ERP29: variants seen among roughly 807,000 people sequenced by gnomAD.
The protein encoded by ERP29 is endoplasmic reticulum resident protein 29.
A neutral mutation model predicts 21.7 loss-of-function variants in ERP29; 14 were observed. That is an observed-to-expected ratio of 0.64 (90% CI 0.43 to 1.01). ERP29 has a LOEUF of 1.01. Ranked by LOEUF, ERP29 falls within the 50% of genes least tolerant of loss-of-function variation. The pLI is 0.00. For missense variants in ERP29, 286 were observed against 327.3 expected, an observed-to-expected ratio of 0.87 and a Z score of 0.97; for synonymous variants, 129 against 139.1, an observed-to-expected ratio of 0.93 and a Z score of 0.51.
Position 112,022,389 on chromosome 12 carries a change from G to GAGGCCCGCC in ERP29, c.530_538dup (p.Arg177_Ala179dup), listed in dbSNP as rs779821855. 6.2e-7 allele frequency: 1 copy of GAGGCCCGCC among 1,614,198 alleles called. No homozygotes were observed. Among genetic ancestry groups the GAGGCCCGCC allele is most frequent in the Non-Finnish European group, 8.5e-7 (1 of 1,180,030 alleles). On this transcript the variant is annotated inframe_insertion, in exon 3 of 3. Coordinates refer to ENST00000261735, the MANE Select transcript of ERP29 (RefSeq NM_006817.4). The stretch of plus-strand genomic sequence containing the variant: ...GGAGTTCATCAGGGCCTCTGGTGTG[G>GAGGCCCGCC]AGGCCCGCCAGGCCCTCTTGAAGCA...
intron 2 of ERP29, among the ~76,000 whole-genome samples, chr12:112,020,723 G>A (rs1187371559): frequency 1.3e-5 from 2 of 152,184 alleles, no homozygotes; most frequent in South Asian, 2.1e-4. Flanking sequence ...CTCCCTTGGT[G>A]CTTTTATTAG....
intron 1 of ERP29, 35 bp downstream of exon 1, chr12:112,013,644 G>C: frequency 6.6e-7 from 1 of 1,504,300 alleles, no homozygotes; most frequent in Non-Finnish European, 8.9e-7. Context: ...CGCAGGTGCC[G>C]CCGGGGCGCC....
In ERP29 at chr12:112,022,341, C is replaced by T. The variant is rs2078053527; in HGVS notation, c.475C>T (p.Pro159Ser). 6.2e-7 allele frequency: 1 copy of T among 1,613,962 alleles called. No homozygotes were observed. The highest frequency in any genetic ancestry group is 8.5e-7 in the Non-Finnish European group (1 of 1,179,908). Reference protein sequence around the residue: ...GVYLGMPGCLPVYDALAGEFI... With the variant: ...GVYLGMPGCLSVYDALAGEFI... ...CTACCTAGGTATGCCTGGTTGCCTG[C>T]CTGTATACGACGCCCTGGCCGGGGA... Residue 159 changes from proline (P) to serine (S), a missense_variant, in exon 3 of 3, where the codon CCT (proline) becomes TCT (serine). Coordinates refer to ENST00000261735, the MANE Select transcript of ERP29 (RefSeq NM_006817.4).
Position 112,013,597 on chromosome 12 carries a change from C to A in ERP29, c.132C>A (p.Val44=). ...AGGGCGCCCTTCCCCTGGATACGGT[C>A]ACTTTCTACAAGGTAACCGGGGCGG... is the stretch of plus-strand genomic sequence containing the variant. ...HTKGALPLDT[V]TFYKVIPKSK... The change falls in exon 1 of 3, where the codon GTC becomes GTA. Residue 44 remains valine (V), a synonymous_variant. Transcript: ENST00000261735. 1 of 1,594,246 alleles carries A rather than the reference C, an allele frequency of 6.3e-7. No homozygotes were observed.
At chr12:112,021,669 A>T (rs946235557) in intron 2 of ERP29, among the ~76,000 whole-genome samples, 3 of 151,508 alleles carry the variant, frequency 2.0e-5, no homozygotes. Flanking sequence ...GACTACAGGC[A>T]CGCGCCACCA....
intron 1 of ERP29, chr12:112,019,119 CTT>C (rs1417388304): frequency 6.2e-6 from 1 of 161,072 alleles, no homozygotes; most frequent in Non-Finnish European, 1.4e-5. Context: ...AGAATGTACA[CTT>C]TTAAATGGTT....
chr12:112,017,787 T>G (rs550935649), intron 1 of ERP29, among the ~76,000 whole-genome samples: 1 of 146,794 alleles, frequency 6.8e-6, no homozygotes, highest in Non-Finnish European at 1.5e-5. Context: ...TTTTTTCTTT[T>G]TTTTTTTTTT....
intron 1 of ERP29, among the ~76,000 whole-genome samples, chr12:112,016,418 G>T (rs1593724850): frequency 6.6e-6 from 1 of 152,122 alleles, no homozygotes. Context: ...ATGCCATTTT[G>T]TTCCCTGCTG....
chr12:112,013,434 T>C lies in ERP29; in HGVS notation c.-32T>C, dbSNP rs754579810. The C allele has an allele frequency of 1.3e-5, 21 of 1,592,390 alleles. No individual in the cohort carries two copies. The highest frequency in any genetic ancestry group is 3.4e-4 in the Middle Eastern group (2 of 5,956). ...GACTCGGGGCGTTCTCCACTATCGC[T>C]TACCTACCTCCCTCTGCAGGAACCC... On this transcript the variant is annotated 5_prime_UTR_variant, in exon 1 of 3. Coordinates refer to ENST00000261735, the MANE Select transcript of ERP29 (RefSeq NM_006817.4).
rs1488737180 is a variant in ERP29, at chr12:112,023,111, T to G, written c.*459T>G. ...GTAACAAACTATCCTCATAACACTG[T>G]GGAAACTGGCATACCTTTGTTATTT... is the stretch of plus-strand genomic sequence containing the variant. On this transcript the variant is annotated 3_prime_UTR_variant, in exon 3 of 3. Transcript: ENST00000261735. The G allele has an allele frequency of 6.5e-6, 1 of 154,892 alleles. No individual in the cohort carries two copies. The highest frequency in any genetic ancestry group is 2.4e-5 in the African/African-American group (1 of 41,496). The allele number at this position is 154,892 out of a possible 1,614,324, so 9.6% of individuals were successfully genotyped here.
chr12:112,014,893 A>G (rs1269407228), intron 1 of ERP29: 1 of 152,338 alleles, frequency 6.6e-6, no homozygotes, highest in Non-Finnish European at 1.5e-5. Flanking sequence ...TCAAGAATTT[A>G]AAAGTGTAGG....
rs747783638 is a variant in ERP29, at chr12:112,019,747, C to A, written c.145-9C>A. The A allele has an allele frequency of 6.2e-7, 1 of 1,613,932 alleles. No individual in the cohort carries two copies. Among genetic ancestry groups the A allele is most frequent in the African/African-American group, 1.3e-5 (1 of 74,882 alleles). On this transcript the variant is annotated splice_polypyrimidine_tract_variant and intron_variant, in intron 1 of 2. Transcript: ENST00000261735. ...GAACACCCACTTGCTCAGCTCTATA[C>A]GCCCTCAGGTCATTCCCAAAAGCAA...
intron 1 of ERP29, among the ~76,000 whole-genome samples, chr12:112,016,523 G>A (rs1349052306): frequency 6.6e-6 from 1 of 152,194 alleles, no homozygotes; most frequent in Admixed American, 6.5e-5. Context: ...TTAAAGAAGT[G>A]AGTTGCCTGA....
Position 112,013,586 on chromosome 12 carries a change from C to T in ERP29, c.121C>T (p.Leu41=). 1 of 1,604,488 alleles carries T rather than the reference C, an allele frequency of 6.2e-7. No individual in the cohort carries two copies. The highest frequency in any genetic ancestry group is 8.5e-7 in the Non-Finnish European group (1 of 1,176,310). ...SGLHTKGALP[L]DTVTFYKVIP... ...CCTGCACACCAAGGGCGCCCTTCCC[C>T]TGGATACGGTCACTTTCTACAAGGT... The change falls in exon 1 of 3, where the codon CTG becomes TTG. Residue 41 remains leucine (L), a synonymous_variant. Transcript: ENST00000261735.
At chr12:112,017,842 T>C (rs1214793290) in intron 1 of ERP29, among the ~76,000 whole-genome samples, 3 of 147,478 alleles carry the variant, frequency 2.0e-5, no homozygotes, top group Non-Finnish European at 4.4e-5. Context: ...TGGAGTGCAG[T>C]GGCGCGATCT....
Position 112,022,804 on chromosome 12 carries a change from C to T in ERP29, c.*152C>T. The T allele has an allele frequency of 2.7e-6, 2 of 730,502 alleles. No homozygotes were observed. 45.3% of individuals were successfully genotyped at this position (730,502 alleles called of 1,614,324 possible). ...CCCTGAGTATGCCTGGACATTGATG[C>T]TAACATGACCATGCTTGGGATGTCT... On this transcript the variant is annotated 3_prime_UTR_variant, in exon 3 of 3. Coordinates refer to ENST00000261735, the MANE Select transcript of ERP29 (RefSeq NM_006817.4).
Position 112,022,485 on chromosome 12 carries a change from G to A in ERP29, c.619G>A (p.Gly207Arg). Residue 207 changes from glycine (G) to arginine (R), a missense_variant, in exon 3 of 3, where the codon GGG (glycine) becomes AGG (arginine). Physicochemically the swap from Gly to Arg is moderately radical, Grantham distance 125 (BLOSUM62 -2). Transcript: ENST00000261735. ...GGCCGAGCAATACCTGAAGATCATG[G>A]GGAAGATCTTAGACCAAGGGGAGGA... ...KWAEQYLKIM[G>R]KILDQGEDFP... 6.2e-7 allele frequency: 1 copy of A among 1,614,108 alleles called. No homozygotes were observed. Among genetic ancestry groups the A allele is most frequent in the Non-Finnish European group, 8.5e-7 (1 of 1,179,950 alleles).
intron 2 of ERP29, 77 bp from the exon 3 acceptor site, chr12:112,022,073 T>G (rs1593728361): frequency 6.8e-6 from 10 of 1,464,788 alleles, no homozygotes; most frequent in Non-Finnish European, 7.5e-6. Flanking sequence ...TTTCCCTCAG[T>G]TCAGCTAGGT....
chr12:112,014,057 T>C (rs564945089), intron 1 of ERP29, among the ~76,000 whole-genome samples: 113 of 152,310 alleles, frequency 7.4e-4, no homozygotes, highest in Admixed American at 3.7e-3. Flanking sequence ...TCCGCGCCCC[T>C]CTTCCCAGGG....
Sources: allele counts gnomAD v4.1 joint callset (sites outside exome capture counted in the v4.1 genomes callset), GRCh38; gene constraint gnomAD v4.1.1; transcripts MANE v1.5; gene names NCBI Gene and HGNC (gene_info 2026-07-23, HGNC 2026-07-21).